Variants in LCE3A observed in about 807,000 individuals in gnomAD.
The protein encoded by LCE3A is late cornified envelope protein 3A.
For missense variants in LCE3A, 130 were observed against 113.9 expected, an observed-to-expected ratio of 1.14 and a Z score of -0.64; for synonymous variants, 46 against 42.7, an observed-to-expected ratio of 1.08 and a Z score of -0.30.
Position 152,622,877 on chromosome 1 carries a change from C to T in LCE3A, c.227G>A (p.Gly76Asp). Residue 76 changes from glycine to aspartate, a missense_variant, in exon 1 of 1, where the codon GGC (glycine) becomes GAC (aspartate). Gly to Asp is a moderately conservative substitution (Grantham distance 94, BLOSUM62 -1). Transcript: ENST00000335674. Reference sequence around the variant, plus strand: ...ACTGTGGCCACAGCTGGAGCTCCCGCCTTGCTGACCACTTCCCCTGTCACA... The same window carrying T: ...ACTGTGGCCACAGCTGGAGCTCCCGTCTTGCTGACCACTTCCCCTGTCACA... ...NSCDRGSGQQ[G>D]GSSSCGHSSA... 2 of 1,614,194 alleles carry T rather than the reference C, an allele frequency of 1.2e-6. No homozygotes were observed. The highest frequency in any genetic ancestry group is 1.7e-6 in the Non-Finnish European group (2 of 1,180,028).
chr1:152,623,043 G>C lies in LCE3A; in HGVS notation c.61C>G (p.Pro21Ala). 1 of 1,614,198 alleles carries C rather than the reference G, an allele frequency of 6.2e-7. No homozygotes were observed. Among genetic ancestry groups the C allele is most frequent in the South Asian group, 1.1e-5 (1 of 91,088 alleles). Reference sequence around the variant, plus strand: ...GAAGCTGGAGGCAGACACTGTGCTGGGCTCTTTGCAGGGCACTTGGGCGGA... The same window carrying C: ...GAAGCTGGAGGCAGACACTGTGCTGCGCTCTTTGCAGGGCACTTGGGCGGA... ...QPPPKCPAKS[P>A]AQCLPPASSS... Residue 21 changes from proline to alanine, a missense_variant, in exon 1 of 1, where the codon CCA becomes GCA. Coordinates refer to ENST00000335674, the MANE Select transcript of LCE3A (RefSeq NM_178431.1).
rs1647268144 is a variant in LCE3A at position 152,622,918 on chromosome 1, G to C, written c.186C>G (p.Cys62Trp). 1 of 1,614,206 alleles carries C rather than the reference G, an allele frequency of 6.2e-7. No homozygotes were observed. Among genetic ancestry groups the C allele is most frequent in the South Asian group, 1.1e-5 (1 of 91,086 alleles). Reference protein sequence around the residue: ...HRCRRSHRCRCQSSNSCDRGS... With the variant: ...HRCRRSHRCRWQSSNSCDRGS... ...CCCTGTCACAGGAGTTGGAGCTCTG[G>C]CAACGGCAACGGTGAGACCTGCGGC... The change falls in exon 1 of 1, where the codon TGC becomes TGG. Residue 62 changes from cysteine (C) to tryptophan (W), a missense_variant. Cys to Trp is a radical substitution (Grantham distance 215, BLOSUM62 -2). Coordinates refer to ENST00000335674, the MANE Select transcript of LCE3A (RefSeq NM_178431.1).
chr1:152,623,001 T>C lies in LCE3A; in HGVS notation c.103A>G (p.Ser35Gly). ...GAGCTGGGCCCACAGCCCCCAGAGC[T>C]TGGGGCACAGCTGGAGGAAGCTGGA... ...LPPASSSCAP[S>G]SGGCGPSSER... The change falls in exon 1 of 1, where the codon AGC becomes GGC. Residue 35 changes from serine to glycine, a missense_variant. By Grantham distance (56) the Ser-to-Gly change is moderately conservative. Coordinates refer to ENST00000335674, the MANE Select transcript of LCE3A (RefSeq NM_178431.1). 1 of 1,614,088 alleles carries C rather than the reference T, an allele frequency of 6.2e-7. No individual in the cohort carries two copies. Among genetic ancestry groups the C allele is most frequent in the Non-Finnish European group, 8.5e-7 (1 of 1,180,004 alleles).
chr1:152,622,913 C>A lies in LCE3A; in HGVS notation c.191G>T (p.Ser64Ile). 1 of 1,614,238 alleles carries A rather than the reference C, an allele frequency of 6.2e-7. No homozygotes were observed. The highest frequency in any genetic ancestry group is 8.5e-7 in the Non-Finnish European group (1 of 1,180,046). The change falls in exon 1 of 1, where the codon AGC becomes ATC. Residue 64 changes from serine to isoleucine, a missense_variant. Transcript: ENST00000335674. ...ACTTCCCCTGTCACAGGAGTTGGAG[C>A]TCTGGCAACGGCAACGGTGAGACCT... is the stretch of plus-strand genomic sequence containing the variant. ...CRRSHRCRCQ[S>I]SNSCDRGSGQ...
In LCE3A at chr1:152,622,894, C is replaced by T; in HGVS notation, c.210G>A (p.Arg70=). The change falls in exon 1 of 1, where the codon AGG becomes AGA. Residue 70 remains arginine, a synonymous_variant. Transcript: ENST00000335674. ...AGCTCCCGCCTTGCTGACCACTTCC[C>T]CTGTCACAGGAGTTGGAGCTCTGGC... ...CRCQSSNSCD[R]GSGQQGGSSS... The T allele has an allele frequency of 6.2e-7, 1 of 1,614,198 alleles. No homozygotes were observed.
rs1448359710 is a variant in LCE3A, at chr1:152,622,945, T to C, written c.159A>G (p.Arg53=). The part of the protein sequence containing the change: ...SERSCCLSHH[R]CRRSHRCRCQ... The stretch of plus-strand genomic sequence containing the variant: ...AACGGCAACGGTGAGACCTGCGGCA[T>C]CTGTGGTGACTCAGGCAGCAGCTGC... Residue 53 remains arginine, a synonymous_variant, in exon 1 of 1, where the codon AGA becomes AGG. Transcript: ENST00000335674. 3.1e-6 allele frequency: 5 copies of C among 1,614,068 alleles called. No homozygotes were observed.
In LCE3A at chr1:152,622,864, G is replaced by T; in HGVS notation, c.240C>A (p.Ser80Arg). 1 of 1,614,166 alleles carries T rather than the reference G, an allele frequency of 6.2e-7. No homozygotes were observed. Among genetic ancestry groups the T allele is most frequent in the South Asian group, 1.1e-5 (1 of 91,084 alleles). The part of the protein sequence containing the change: ...RGSGQQGGSS[S>R]CGHSSAGCC ...AGCAGCCCGCAGAACTGTGGCCACA[G>T]CTGGAGCTCCCGCCTTGCTGACCAC... Residue 80 changes from serine to arginine, a missense_variant, in exon 1 of 1, where the codon AGC becomes AGA. Ser to Arg is a moderately radical substitution (Grantham distance 110, BLOSUM62 -1). Transcript: ENST00000335674.
In LCE3A at chr1:152,622,939, G is replaced by A. The variant is rs371949399; in HGVS notation, c.165C>T (p.Arg55=). Reference sequence around the variant, plus strand: ...TCTGGCAACGGCAACGGTGAGACCTGCGGCATCTGTGGTGACTCAGGCAGC... The same window carrying A: ...TCTGGCAACGGCAACGGTGAGACCTACGGCATCTGTGGTGACTCAGGCAGC... ...RSCCLSHHRC[R]RSHRCRCQSS... is the part of the protein sequence containing the mutation. Residue 55 remains arginine (R), a synonymous_variant, in exon 1 of 1, where the codon CGC becomes CGT. Coordinates refer to ENST00000335674, the MANE Select transcript of LCE3A (RefSeq NM_178431.1). The A allele has an allele frequency of 2.5e-4, 407 of 1,614,076 alleles. No individual in the cohort carries two copies. The highest frequency in any genetic ancestry group is 3.3e-4 in the Non-Finnish European group (393 of 1,180,046).
In LCE3A at chr1:152,622,895, C is replaced by T. The variant is rs1257855261; in HGVS notation, c.209G>A (p.Arg70Lys). 4 of 1,614,106 alleles carry T rather than the reference C, an allele frequency of 2.5e-6. No homozygotes were observed. The highest frequency in any genetic ancestry group is 1.3e-5 in the African/African-American group (1 of 74,950). ...GCTCCCGCCTTGCTGACCACTTCCCCTGTCACAGGAGTTGGAGCTCTGGCA... is the reference window on the plus strand; with the variant it reads ...GCTCCCGCCTTGCTGACCACTTCCCTTGTCACAGGAGTTGGAGCTCTGGCA... ...CRCQSSNSCD[R>K]GSGQQGGSSS... Residue 70 changes from arginine (R) to lysine (K), a missense_variant, in exon 1 of 1, where the codon AGG becomes AAG. Physicochemically the swap from Arg to Lys is conservative, Grantham distance 26. Coordinates refer to ENST00000335674, the MANE Select transcript of LCE3A (RefSeq NM_178431.1).
chr1:152,622,955 C>T lies in LCE3A; in HGVS notation c.149G>A (p.Ser50Asn). The T allele has an allele frequency of 6.2e-7, 1 of 1,614,180 alleles. No individual in the cohort carries two copies. The highest frequency in any genetic ancestry group is 8.5e-7 in the Non-Finnish European group (1 of 1,180,044). ...GPSSERSCCL[S>N]HHRCRRSHRC... ...GTGAGACCTGCGGCATCTGTGGTGA[C>T]TCAGGCAGCAGCTGCGCTCGGAGCT... Residue 50 changes from serine to asparagine, a missense_variant, in exon 1 of 1, where the codon AGT (serine) becomes AAT (asparagine). Physicochemically the swap from Ser to Asn is conservative, Grantham distance 46. Coordinates refer to ENST00000335674, the MANE Select transcript of LCE3A (RefSeq NM_178431.1).
chr1:152,622,980 T>G lies in LCE3A; in HGVS notation c.124A>C (p.Ser42Arg). ...CAPSSGGCGPSSERSCCLSHH... is the reference protein window; with the variant it reads ...CAPSSGGCGPRSERSCCLSHH... ...CTCAGGCAGCAGCTGCGCTCGGAGCTGGGCCCACAGCCCCCAGAGCTTGGG... is the reference window on the plus strand; with the variant it reads ...CTCAGGCAGCAGCTGCGCTCGGAGCGGGGCCCACAGCCCCCAGAGCTTGGG... The change falls in exon 1 of 1, where the codon AGC becomes CGC. Residue 42 changes from serine to arginine, a missense_variant. By Grantham distance (110) the Ser-to-Arg change is moderately radical. Coordinates refer to ENST00000335674, the MANE Select transcript of LCE3A (RefSeq NM_178431.1). 6.2e-7 allele frequency: 1 copy of G among 1,614,098 alleles called. No individual in the cohort carries two copies. Among genetic ancestry groups the G allele is most frequent in the Non-Finnish European group, 8.5e-7 (1 of 1,180,020 alleles).
chr1:152,623,035 CTG>C, the LCE3A span: 2 of 1,614,206 alleles, frequency 1.2e-6, no homozygotes, highest in Non-Finnish European at 1.7e-6. Context: ...GAGGCAGACA[CTG>C]TGCTGGGCTC....
Position 152,623,074 on chromosome 1 carries a change from G to A in LCE3A, c.30C>T (p.Cys10=). 1.2e-6 allele frequency: 2 copies of A among 1,614,246 alleles called. No homozygotes were observed. Among genetic ancestry groups the A allele is most frequent in the Non-Finnish European group, 1.7e-6 (2 of 1,180,048 alleles). MSCQQNQQQ[C]QPPPKCPAKS... is the part of the protein sequence containing the mutation. ...TTGCAGGGCACTTGGGCGGAGGCTG[G>A]CACTGCTGCTGGTTCTGCTGGCAGG... The change falls in exon 1 of 1, where the codon TGC becomes TGT. Residue 10 remains cysteine (C), a synonymous_variant. Transcript: ENST00000335674.
Position 152,622,970 on chromosome 1 carries a change from C to T in LCE3A, c.134G>A (p.Arg45His). 6.2e-7 allele frequency: 1 copy of T among 1,614,104 alleles called. No homozygotes were observed. The highest frequency in any genetic ancestry group is 8.5e-7 in the Non-Finnish European group (1 of 1,180,032). Residue 45 changes from arginine to histidine, a missense_variant, in exon 1 of 1, where the codon CGC (arginine) becomes CAC (histidine). By Grantham distance (29) the Arg-to-His change is conservative. Transcript: ENST00000335674. ...SSGGCGPSSE[R>H]SCCLSHHRCR... ...TCTGTGGTGACTCAGGCAGCAGCTGCGCTCGGAGCTGGGCCCACAGCCCCC... is the reference window on the plus strand; with the variant it reads ...TCTGTGGTGACTCAGGCAGCAGCTGTGCTCGGAGCTGGGCCCACAGCCCCC...
Position 152,622,997 on chromosome 1 carries a change from G to A in LCE3A, c.107C>T (p.Ser36Phe), listed in dbSNP as rs762658072. The A allele has an allele frequency of 6.2e-7, 1 of 1,614,216 alleles. No homozygotes were observed. The highest frequency in any genetic ancestry group is 1.1e-5 in the South Asian group (1 of 91,084). The change falls in exon 1 of 1, where the codon TCT (serine) becomes TTT (phenylalanine). Residue 36 changes from serine to phenylalanine, a missense_variant. Ser to Phe is a radical substitution (Grantham distance 155). Transcript: ENST00000335674. ...PPASSSCAPS[S>F]GGCGPSSERS... ...CTCGGAGCTGGGCCCACAGCCCCCA[G>A]AGCTTGGGGCACAGCTGGAGGAAGC... is the stretch of plus-strand genomic sequence containing the variant.
In LCE3A at chr1:152,622,886, C is replaced by T. The variant is rs748485947; in HGVS notation, c.218G>A (p.Gly73Asp). The T allele has an allele frequency of 1.9e-5, 30 of 1,614,102 alleles. No homozygotes were observed. The Admixed American group carries it at 4.8e-4, about 26-fold the overall frequency. Reference sequence around the variant, plus strand: ...ACAGCTGGAGCTCCCGCCTTGCTGACCACTTCCCCTGTCACAGGAGTTGGA... The same window carrying T: ...ACAGCTGGAGCTCCCGCCTTGCTGATCACTTCCCCTGTCACAGGAGTTGGA... Reference protein sequence around the residue: ...QSSNSCDRGSGQQGGSSSCGH... With the variant: ...QSSNSCDRGSDQQGGSSSCGH... Residue 73 changes from glycine (G) to aspartate (D), a missense_variant, in exon 1 of 1, where the codon GGT becomes GAT. Transcript: ENST00000335674.
chr1:152,622,867 G>A lies in LCE3A; in HGVS notation c.237C>T (p.Ser79=), dbSNP rs757983123. The A allele has an allele frequency of 5.0e-6, 8 of 1,614,024 alleles. No individual in the cohort carries two copies. The highest frequency in any genetic ancestry group is 1.7e-5 in the Admixed American group (1 of 60,004). The change falls in exon 1 of 1, where the codon TCC becomes TCT. Residue 79 remains serine (S), a synonymous_variant. Transcript: ENST00000335674. ...AGCCCGCAGAACTGTGGCCACAGCT[G>A]GAGCTCCCGCCTTGCTGACCACTTC... The part of the protein sequence containing the change: ...DRGSGQQGGS[S]SCGHSSAGCC
In LCE3A at chr1:152,622,926, A is replaced by G; in HGVS notation, c.178T>C (p.Cys60Arg). 3 of 1,614,188 alleles carry G rather than the reference A, an allele frequency of 1.9e-6. No homozygotes were observed. The highest frequency in any genetic ancestry group is 2.5e-6 in the Non-Finnish European group (3 of 1,180,036). The change falls in exon 1 of 1, where the codon TGC becomes CGC. Residue 60 changes from cysteine to arginine, a missense_variant. By Grantham distance (180) the Cys-to-Arg change is radical. Transcript: ENST00000335674. ...CAGGAGTTGGAGCTCTGGCAACGGC[A>G]ACGGTGAGACCTGCGGCATCTGTGG... ...SHHRCRRSHR[C>R]RCQSSNSCDR...
chr1:152,622,896 T>C lies in LCE3A; in HGVS notation c.208A>G (p.Arg70Gly). 1 of 1,614,180 alleles carries C rather than the reference T, an allele frequency of 6.2e-7. No individual in the cohort carries two copies. The highest frequency in any genetic ancestry group is 8.5e-7 in the Non-Finnish European group (1 of 1,180,030). ...CTCCCGCCTTGCTGACCACTTCCCC[T>C]GTCACAGGAGTTGGAGCTCTGGCAA... Reference protein sequence around the residue: ...CRCQSSNSCDRGSGQQGGSSS... With the variant: ...CRCQSSNSCDGGSGQQGGSSS... Residue 70 changes from arginine (R) to glycine (G), a missense_variant, in exon 1 of 1, where the codon AGG becomes GGG. Transcript: ENST00000335674.
Sources: allele counts gnomAD v4.1 joint callset, GRCh38; gene constraint gnomAD v4.1.1; transcripts MANE v1.5; gene names NCBI Gene and HGNC (gene_info 2026-07-23, HGNC 2026-07-21).